Variants in CNTN5 observed in about 807,000 individuals in gnomAD.
CNTN5 encodes the protein contactin 5.
Under a neutral mutation model 129.1 loss-of-function variants are expected in CNTN5, and 77 were observed. The ratio of observed to expected loss-of-function variants is 0.60; its 90% CI spans 0.50 to 0.72. The LOEUF (loss-of-function observed/expected upper bound fraction) is 0.72, where lower values mean the gene tolerates loss of function less well. CNTN5 is among the 30% of genes least tolerant of loss of function. CNTN5 has a pLI of 0.00. For missense variants in CNTN5, 1,478 were observed against 1,328.8 expected (o/e 1.11, Z -1.75); for synonymous variants, 509 against 465.6 (o/e 1.09, Z -1.20).
At chr11:99,338,447 G>A (rs147032626) in intron 2 of CNTN5, among the ~76,000 whole-genome samples, 117 of 152,304 alleles carry the variant, frequency 7.7e-4, no homozygotes, top group African/African-American at 2.7e-3. Context: ...AACAGAATGA[G>A]GGGTGGAGAA....
At chr11:99,029,219 T>G (rs545007362) in intron 1 of CNTN5, among the ~76,000 whole-genome samples, 1 of 149,396 alleles carries the variant, frequency 6.7e-6, no homozygotes, top group Non-Finnish European at 1.5e-5. Context: ...TACCCAAATA[T>G]TCTATTTTTT....
At chr11:99,478,728 A>C (rs529867544) in intron 2 of CNTN5, among the ~76,000 whole-genome samples, 1 of 152,262 alleles carries the variant, frequency 6.6e-6, no homozygotes, top group East Asian at 1.9e-4. Context: ...GAAAATTCAA[A>C]ATCATTACTA....
intron 3 of CNTN5, among the ~76,000 whole-genome samples, chr11:99,796,562 A>AGAAG (rs1945948824): frequency 6.6e-6 from 1 of 152,050 alleles, no homozygotes; most frequent in Non-Finnish European, 1.5e-5. Context: ...ACGGGCCCCC[A>AGAAG]GAAGGCACTC....
chr11:99,620,233 A>G (rs926375400), intron 3 of CNTN5, among the ~76,000 whole-genome samples: 1 of 152,064 alleles, frequency 6.6e-6, no homozygotes, highest in Admixed American at 6.5e-5. Context: ...AAGGCTGAGT[A>G]TAATTATTCC....
chr11:99,041,449 C>T (rs1180690821), intron 1 of CNTN5, among the ~76,000 whole-genome samples: 1 of 152,196 alleles, frequency 6.6e-6, no homozygotes, highest in Non-Finnish European at 1.5e-5. Context: ...CATTTGTATG[C>T]ATGCCTTACT....
At chr11:99,488,530 T>C (rs1466003727) in intron 2 of CNTN5, among the ~76,000 whole-genome samples, 2 of 152,010 alleles carry the variant, frequency 1.3e-5, no homozygotes, top group African/African-American at 4.8e-5. Context: ...TCTTTGCTGC[T>C]AACCACTAGT....
At chr11:99,462,365 T>TC (rs910104563) in intron 2 of CNTN5, among the ~76,000 whole-genome samples, 2 of 148,878 alleles carry the variant, frequency 1.3e-5, no homozygotes, top group Non-Finnish European at 1.5e-5. Context: ...CTTTTCTTTT[T>TC]TTTTTTTTTT....
chr11:99,727,724 C>CACACTTAGTGCCATCCACAT (rs1188801410), intron 3 of CNTN5, among the ~76,000 whole-genome samples: 3 of 152,096 alleles, frequency 2.0e-5, no homozygotes, highest in Non-Finnish European at 4.4e-5. Context: ...TGAAAATACT[C>CACACTTAGTGCCATCCACAT]ACACTTAGTG....
chr11:99,156,823 G>A (rs947143030), intron 1 of CNTN5, among the ~76,000 whole-genome samples: 8 of 151,872 alleles, frequency 5.3e-5, no homozygotes, highest in Non-Finnish European at 7.4e-5. Flanking sequence ...GTATTACAAT[G>A]TGCACAGTGC....
At chr11:99,071,391 A>C (rs1591142071) in intron 1 of CNTN5, among the ~76,000 whole-genome samples, 2 of 152,104 alleles carry the variant, frequency 1.3e-5, no homozygotes, top group Admixed American at 1.3e-4. Flanking sequence ...ATAAACTAAA[A>C]ATGTCAAAAG....
At position 99,473,126 on chromosome 11, in the gene CNTN5, G is replaced by A. The variant is rs367802815; in HGVS notation, c.-70-83019G>A. 7.9e-5 allele frequency among the ~76,000 whole-genome samples: 12 copies of A among 152,032 alleles called. No homozygotes were observed. In the East Asian group the frequency reaches 1.5e-3, roughly 20 times the overall value. ...ATTCCACTGTAAAAAGAAAGGGCTA[G>A]TTCTTATACTAGAATGAATTATTTT... On this transcript the variant is annotated intron_variant, in intron 2 of 24. Transcript: ENST00000524871.
Position 99,675,013 on chromosome 11 carries a change from G to GGTTTGGTTTTGTTTT in CNTN5, c.55+118748_55+118749insGGTTTTGTTTTGTTT, listed in dbSNP as rs147793466. Among the ~76,000 whole-genome samples, 4 of 149,578 alleles carry GGTTTGGTTTTGTTTT rather than the reference G, an allele frequency of 2.7e-5. No individual in the cohort carries two copies. In the South Asian group the frequency reaches 8.5e-4, roughly 32 times the overall value. On this transcript the variant is annotated intron_variant, in intron 3 of 24. Coordinates refer to ENST00000524871, the MANE Select transcript of CNTN5 (RefSeq NM_014361.4). The stretch of plus-strand genomic sequence containing the variant: ...TCATTATATTAGGAGGCATTTTTCT[G>GGTTTGGTTTTGTTTT]GTTTTGTTTTGTTTTGTTTTGTTTT...
At chr11:99,304,940 G>A (rs1864807190) in intron 1 of CNTN5, among the ~76,000 whole-genome samples, 1 of 152,142 alleles carries the variant, frequency 6.6e-6, no homozygotes, top group African/African-American at 2.4e-5. Flanking sequence ...GTCATGCTCA[G>A]CAAAGGTTAC....
At chr11:99,900,560 T>G (rs1268938574) in intron 6 of CNTN5, among the ~76,000 whole-genome samples, 2 of 152,070 alleles carry the variant, frequency 1.3e-5, no homozygotes, top group African/African-American at 2.4e-5. Flanking sequence ...TTTTTTTTAT[T>G]TCTGACTTGA....
At position 100,293,902 on chromosome 11, in the gene CNTN5, A is replaced by G. The variant is rs746758866; in HGVS notation, c.2315-3723A>G. Reference sequence around the variant, plus strand: ...TCCTTCAATTTAACTCTTTCTGTAAACTAAGCCTGAGTTAGAATCAATTAA... The same window carrying G: ...TCCTTCAATTTAACTCTTTCTGTAAGCTAAGCCTGAGTTAGAATCAATTAA... On this transcript the variant is annotated intron_variant, in intron 18 of 24. Coordinates refer to ENST00000524871, the MANE Select transcript of CNTN5 (RefSeq NM_014361.4). Among the ~76,000 whole-genome samples the G allele has an allele frequency of 2.6e-5, 4 of 151,678 alleles. No individual in the cohort carries two copies. The East Asian group carries it at 7.7e-4, about 29-fold the overall frequency.
rs1246782653 is a variant in CNTN5, at chr11:100,033,561, A to G, written c.981-27651A>G. Among the ~76,000 whole-genome samples, 5 of 152,166 alleles carry G rather than the reference A, an allele frequency of 3.3e-5. No individual in the cohort carries two copies. The South Asian group carries it at 6.2e-4, about 19-fold the overall frequency. ...TCTTACCCTTCATGAACTACAGTAC[A>G]TGGTCCATCGCTTATTCTCTCCAAC... is the stretch of plus-strand genomic sequence containing the variant. On this transcript the variant is annotated intron_variant, in intron 9 of 24. Coordinates refer to ENST00000524871, the MANE Select transcript of CNTN5 (RefSeq NM_014361.4).
chr11:99,401,363 T>C (rs769229883), intron 2 of CNTN5, among the ~76,000 whole-genome samples: 38 of 152,140 alleles, frequency 2.5e-4, no homozygotes, highest in Non-Finnish European at 4.1e-4. Context: ...ATGTTCTTGG[T>C]ACCTTTGTCA....
intron 1 of CNTN5, among the ~76,000 whole-genome samples, chr11:99,127,055 T>A (rs1211466076): frequency 3.3e-5 from 5 of 152,122 alleles, no homozygotes; most frequent in African/African-American, 4.8e-5. Flanking sequence ...TTACTCCCAA[T>A]TCCAACTTAC....
At chr11:99,987,335 AATTG>A in intron 8 of CNTN5, among the ~76,000 whole-genome samples, 1 of 152,154 alleles carries the variant, frequency 6.6e-6, no homozygotes, top group Admixed American at 6.5e-5. Flanking sequence ...TAGATTGAAT[AATTG>A]ATTGAGTCTG....
Sources: gnomAD v4.1 joint callset for allele counts (sites outside exome capture counted in the v4.1 genomes callset) on GRCh38, gnomAD v4.1.1 for gene constraint, MANE v1.5 for transcripts, NCBI Gene and HGNC (gene_info 2026-07-23, HGNC 2026-07-21) for gene names.